DEPTOR: variants seen among roughly 807,000 people sequenced by gnomAD.
The protein encoded by DEPTOR is DEP domain-containing mTOR-interacting protein.
A neutral mutation model predicts 41.6 loss-of-function variants in DEPTOR; 41 were observed. The ratio of observed to expected loss-of-function variants is 0.98; its 90% confidence interval spans 0.77 to 1.28. The LOEUF is 1.28. Among genes scored for constraint, DEPTOR ranks in the 50% most tolerant of loss-of-function variants. The probability of loss-of-function intolerance (pLI) is 0.00; values close to 1 mark genes in which losing one functional copy is unlikely to be tolerated. For synonymous variants in DEPTOR, 195 were observed against 192.3 expected (o/e 1.01, Z -0.12); for missense variants, 514 against 527.9 (o/e 0.97, Z 0.26).
At chr8:119,977,204 TG>T in intron 4 of DEPTOR, among the ~76,000 whole-genome samples, 1 of 152,284 alleles carries the variant, frequency 6.6e-6, no homozygotes, top group African/African-American at 2.4e-5. Context: ...GGTTTCGCCA[TG>T]TTGGCCAGGC....
At position 119,965,290 on chromosome 8, in the gene DEPTOR, G is replaced by C; in HGVS notation, c.484G>C (p.Glu162Gln). 6.2e-7 allele frequency: 1 copy of C among 1,614,142 alleles called. No individual in the cohort carries two copies. Among genetic ancestry groups the C allele is most frequent in the East Asian group, 2.2e-5 (1 of 44,884 alleles). Residue 162 changes from glutamate (E) to glutamine (Q), a missense_variant, in exon 4 of 9, where the codon GAG becomes CAG. Physicochemically the swap from Glu to Gln is conservative, Grantham distance 29. Transcript: ENST00000286234. ...CAGGGAGGAGGAAGGGGTCAAGTAT[G>C]AGCGCACCTTCATGGCATCTGAATT... ...QPREEEGVKYERTFMASEFLD... is the reference protein window; with the variant it reads ...QPREEEGVKYQRTFMASEFLD...
chr8:119,888,961 A>G (rs1476034017), intron 1 of DEPTOR, among the ~76,000 whole-genome samples: 1 of 149,350 alleles, frequency 6.7e-6, no homozygotes, highest in Non-Finnish European at 1.5e-5. Context: ...TAGGAGTGGG[A>G]GTTGGGAGAA....
At chr8:119,916,186 A>G (rs909562215) in intron 1 of DEPTOR, among the ~76,000 whole-genome samples, 1 of 150,398 alleles carries the variant, frequency 6.6e-6, no homozygotes, top group East Asian at 1.9e-4. Flanking sequence ...TGCAACCTCC[A>G]CCTTCTGGGT....
intron 1 of DEPTOR, among the ~76,000 whole-genome samples, chr8:119,903,295 G>C (rs1015260642): frequency 3.3e-5 from 5 of 151,870 alleles, no homozygotes; most frequent in African/African-American, 1.2e-4. Context: ...ATGGGGTTTC[G>C]CCATGTTAGC....
intron 1 of DEPTOR, among the ~76,000 whole-genome samples, chr8:119,880,525 A>G (rs1827285691): frequency 6.6e-6 from 1 of 152,222 alleles, no homozygotes; most frequent in East Asian, 1.9e-4. Context: ...AAAATGAAAC[A>G]CTAAAACAAC....
chr8:119,914,967 C>A (rs1013920041), intron 1 of DEPTOR, among the ~76,000 whole-genome samples: 1 of 151,950 alleles, frequency 6.6e-6, no homozygotes, highest in Non-Finnish European at 1.5e-5. Flanking sequence ...GTATATTGGG[C>A]AATATTATTA....
chr8:120,003,076 G>C lies in DEPTOR; in HGVS notation c.890G>C (p.Ser297Thr). 1 of 1,613,202 alleles carries C rather than the reference G, an allele frequency of 6.2e-7. No individual in the cohort carries two copies. The highest frequency in any genetic ancestry group is 8.5e-7 in the Non-Finnish European group (1 of 1,179,952). ...TACTTCAGCAGCAGCCCCACCCTCA[G>C]CAGCAGCCCCCCTGTGCTCTGCAAC... Reference protein sequence around the residue: ...SGYFSSSPTLSSSPPVLCNPK... With the variant: ...SGYFSSSPTLTSSPPVLCNPK... The change falls in exon 6 of 9, where the codon AGC becomes ACC. Residue 297 changes from serine (S) to threonine (T), a missense_variant. Transcript: ENST00000286234.
intron 8 of DEPTOR, among the ~76,000 whole-genome samples, chr8:120,027,013 G>A (rs1371119040): frequency 6.6e-6 from 1 of 152,040 alleles, no homozygotes; most frequent in African/African-American, 2.4e-5. Context: ...GAGGTCGGGA[G>A]TTCAACACCA....
At position 120,034,264 on chromosome 8, in the gene DEPTOR, TAC is replaced by T. The variant is rs71571645; in HGVS notation, c.1102-15278_1102-15277del. 7.3e-3 allele frequency among the ~76,000 whole-genome samples: 1,058 copies of T among 145,324 alleles called. 7 individuals are homozygous for T. Among genetic ancestry groups the T allele is most frequent in the African/African-American group, 0.015 (598 of 39,106 alleles). On this transcript the variant is annotated intron_variant, in intron 8 of 8. Coordinates refer to ENST00000286234, the MANE Select transcript of DEPTOR (RefSeq NM_022783.4). ...TAACTGTGTGTCTCTGCAAAGCATG[TAC>T]ACACACACACACACACACACACACA...
intron 8 of DEPTOR, among the ~76,000 whole-genome samples, chr8:120,038,543 A>G (rs2130192047): frequency 6.6e-6 from 1 of 151,776 alleles, no homozygotes; most frequent in Admixed American, 6.6e-5. Flanking sequence ...CAGTGAGCCA[A>G]GATCACACCA....
intron 4 of DEPTOR, among the ~76,000 whole-genome samples, chr8:119,979,656 C>T (rs1828738204): frequency 6.6e-6 from 1 of 150,412 alleles, no homozygotes; most frequent in Non-Finnish European, 1.5e-5. Flanking sequence ...CCGCTTCCAT[C>T]CAAGGAAGGC....
chr8:119,922,152 T>C (rs1476073846), intron 1 of DEPTOR, among the ~76,000 whole-genome samples: 1 of 151,572 alleles, frequency 6.6e-6, no homozygotes, highest in African/African-American at 2.4e-5. Flanking sequence ...AGCAGGAGAA[T>C]TGCTTGAATC....
At chr8:119,988,573 C>G (rs1397812330) in intron 4 of DEPTOR, among the ~76,000 whole-genome samples, 1 of 152,102 alleles carries the variant, frequency 6.6e-6, no homozygotes, top group East Asian at 1.9e-4. Flanking sequence ...ACCTCTGCCT[C>G]CTAGGTTCAA....
At chr8:119,904,938 C>G (rs1327496429) in intron 1 of DEPTOR, among the ~76,000 whole-genome samples, 2 of 150,046 alleles carry the variant, frequency 1.3e-5, no homozygotes, top group Non-Finnish European at 3.0e-5. Context: ...ACTACAGGCA[C>G]ACGCTACCAT....
At chr8:119,883,171 T>C (rs535027772) in intron 1 of DEPTOR, among the ~76,000 whole-genome samples, 1 of 152,046 alleles carries the variant, frequency 6.6e-6, no homozygotes. Context: ...CACCCTGCAG[T>C]GTGAGACAAG....
intron 6 of DEPTOR, among the ~76,000 whole-genome samples, chr8:120,004,819 A>C (rs1369331181): frequency 6.6e-6 from 1 of 152,070 alleles, no homozygotes; most frequent in Non-Finnish European, 1.5e-5. Context: ...CCCAAGACCC[A>C]GTGAGTTCAT....
chr8:119,915,021 C>T (rs147627445), intron 1 of DEPTOR, among the ~76,000 whole-genome samples: 1 of 152,260 alleles, frequency 6.6e-6, no homozygotes, highest in East Asian at 1.9e-4. Context: ...GGCTGGAGGG[C>T]AGTGGCACAA....
At chr8:119,930,506 T>A (rs1828027890) in intron 3 of DEPTOR, among the ~76,000 whole-genome samples, 1 of 152,158 alleles carries the variant, frequency 6.6e-6, no homozygotes, top group Non-Finnish European at 1.5e-5. Context: ...CAAAGTGCTG[T>A]CATTGCAGGT....
intron 4 of DEPTOR, among the ~76,000 whole-genome samples, chr8:119,975,278 TAGCC>T (rs1166060379): frequency 3.3e-5 from 5 of 152,172 alleles, no homozygotes; most frequent in African/African-American, 1.2e-4. Context: ...TTATGCCAGG[TAGCC>T]ATATTTCAGG....
Sources: gnomAD v4.1 joint callset for allele counts (sites outside exome capture counted in the v4.1 genomes callset) on GRCh38, gnomAD v4.1.1 for gene constraint, MANE v1.5 for transcripts, NCBI Gene and HGNC (gene_info 2026-07-23, HGNC 2026-07-21) for gene names.